The following PCDHA4 variants were observed in gnomAD, a reference collection of about 807,000 sequenced individuals.
PCDHA4 encodes the protein protocadherin alpha-4.
Under a neutral mutation model 61.4 loss-of-function variants are expected in PCDHA4, and 49 were observed. The ratio of observed to expected loss-of-function variants is 0.80; its 90% CI spans 0.63 to 1.01. The LOEUF (loss-of-function observed/expected upper bound fraction) is 1.01. Among genes scored for constraint, PCDHA4 ranks in the 50% least tolerant of loss-of-function variants. The probability of loss-of-function intolerance (pLI) is 0.00; values close to 1 mark genes in which losing one functional copy is unlikely to be tolerated. For synonymous variants in PCDHA4, 590 were observed against 550.3 expected (o/e 1.07, Z -1.01); for missense variants, 1,254 against 1,235.8 (o/e 1.01, Z -0.22).
chr5:140,809,691 T>C (rs1453613485), intron 1 of PCDHA4, 119 bp downstream of exon 1: 26 of 1,253,618 alleles, frequency 2.1e-5, no homozygotes, highest in Non-Finnish European at 2.6e-5. Flanking sequence ...TTTTTACATA[T>C]CCATTTTAAC....
intron 3 of PCDHA4, among the ~76,000 whole-genome samples, chr5:140,987,599 C>T (rs1475170913): frequency 1.3e-5 from 2 of 152,086 alleles, no homozygotes; most frequent in Non-Finnish European, 2.9e-5. Context: ...GTGGTGTCTA[C>T]CTTATAGGGT....
intron 3 of PCDHA4, among the ~76,000 whole-genome samples, chr5:140,986,404 G>GT (rs2097199196): frequency 6.6e-6 from 1 of 152,190 alleles, no homozygotes; most frequent in Non-Finnish European, 1.5e-5. Context: ...AGTCGCTCAT[G>GT]TTACAGCTCT....
intron 1 of PCDHA4, among the ~76,000 whole-genome samples, chr5:140,975,572 C>T (rs1356117545): frequency 6.6e-6 from 1 of 152,202 alleles, no homozygotes; most frequent in African/African-American, 2.4e-5. Context: ...ATATTATATG[C>T]AGTCTCATGT....
At chr5:140,993,151 TC>T (rs2097543126) in intron 3 of PCDHA4, among the ~76,000 whole-genome samples, 1 of 152,246 alleles carries the variant, frequency 6.6e-6, no homozygotes, top group Admixed American at 6.5e-5. Flanking sequence ...ATAAATGGAT[TC>T]TAAATATTTG....
intron 1 of PCDHA4, chr5:140,812,592 T>G (rs2126640143): frequency 6.6e-6 from 1 of 152,258 alleles, no homozygotes; most frequent in African/African-American, 2.4e-5. Context: ...CTTTCTTCAT[T>G]TTTAGTGTAG....
Position 140,848,921 on chromosome 5 carries a change from C to T in PCDHA4, c.2385+39349C>T. ...CAGCGACACAAAAGAATCTGTTCAT[C>T]GCGGAATCCAGGCCGCTTGACTCTC... On this transcript the variant is annotated intron_variant, in intron 1 of 3. Transcript: ENST00000530339. 3.7e-6 allele frequency: 6 copies of T among 1,607,754 alleles called. 1 individual carries two copies. Among genetic ancestry groups the T allele is most frequent in the Non-Finnish European group, 2.5e-6 (3 of 1,176,916 alleles).
At chr5:140,888,128 T>C (rs1365856723) in intron 1 of PCDHA4, among the ~76,000 whole-genome samples, 1 of 152,248 alleles carries the variant, frequency 6.6e-6, no homozygotes, top group Non-Finnish European at 1.5e-5. Flanking sequence ...TCTATGGATA[T>C]ATTTTCTTGC....
intron 1 of PCDHA4, chr5:140,968,073 A>G: frequency 6.2e-7 from 1 of 1,614,142 alleles, no homozygotes; most frequent in African/African-American, 1.3e-5. Flanking sequence ...GCTGTCTACA[A>G]CATCACGGTG....
At chr5:140,849,200 C>G (rs2150432715) in intron 1 of PCDHA4, 2 of 1,040,964 alleles carry the variant, frequency 1.9e-6, no homozygotes, top group Non-Finnish European at 2.7e-6. Flanking sequence ...TACTGGACAA[C>G]AATGACAATG....
At chr5:140,809,733 C>G (rs1252823667) in intron 1 of PCDHA4, 161 bp downstream of exon 1, 2 of 748,006 alleles carry the variant, frequency 2.7e-6, no homozygotes, top group African/African-American at 3.5e-5. Context: ...GACATCAGAG[C>G]AATATATATT....
intron 1 of PCDHA4, chr5:140,836,577 T>G (rs1283554877): frequency 1.2e-6 from 2 of 1,613,536 alleles, no homozygotes; most frequent in Non-Finnish European, 1.7e-6. Flanking sequence ...TGAGGGCGCA[T>G]GTAGTTTGGT....
chr5:140,904,225 T>A (rs782022279), intron 1 of PCDHA4, among the ~76,000 whole-genome samples: 5 of 152,020 alleles, frequency 3.3e-5, no homozygotes, highest in Non-Finnish European at 5.9e-5. Context: ...CATTGTATTA[T>A]ACTTATGCCT....
intron 1 of PCDHA4, chr5:140,883,869 A>G: frequency 6.2e-7 from 1 of 1,613,112 alleles, no homozygotes; most frequent in South Asian, 1.1e-5. Context: ...TTGCAGTTCC[A>G]GGTGAGCGCG....
chr5:140,992,576 G>T (rs992150186), intron 3 of PCDHA4, among the ~76,000 whole-genome samples: 4 of 152,172 alleles, frequency 2.6e-5, no homozygotes, highest in Admixed American at 2.0e-4. Flanking sequence ...CATATTGCCT[G>T]CCTTGTATGC....
intron 1 of PCDHA4, chr5:140,928,020 T>G: frequency 1.2e-6 from 2 of 1,614,182 alleles, no homozygotes; most frequent in Middle Eastern, 1.6e-4. Context: ...GTAGGGTCAT[T>G]TGTGGCATGT....
intron 1 of PCDHA4, chr5:140,828,303 G>A: frequency 1.2e-6 from 2 of 1,614,088 alleles, no homozygotes; most frequent in Non-Finnish European, 8.5e-7. Context: ...TCCAAAGACC[G>A]CGAGGACCTT....
chr5:140,992,485 A>T (rs1234957114), intron 3 of PCDHA4, among the ~76,000 whole-genome samples: 1 of 152,208 alleles, frequency 6.6e-6, no homozygotes, highest in Non-Finnish European at 1.5e-5. Flanking sequence ...CCCAGAGGCC[A>T]ATCTGTAAGG....
chr5:140,881,456 T>C, intron 1 of PCDHA4: 1 of 690,256 alleles, frequency 1.4e-6, no homozygotes, highest in Non-Finnish European at 1.8e-6. Context: ...TCCAAAACCT[T>C]AGAGCATTGT....
chr5:140,852,172 A>T (rs2042256675), intron 1 of PCDHA4: 1 of 802,380 alleles, frequency 1.2e-6, no homozygotes, highest in South Asian at 5.6e-5. Context: ...GAGCCACAAA[A>T]ATAACTATGA....
Sources: gnomAD v4.1 joint callset for allele counts (sites outside exome capture counted in the v4.1 genomes callset) on GRCh38, gnomAD v4.1.1 for gene constraint, MANE v1.5 for transcripts, NCBI Gene and HGNC (gene_info 2026-07-23, HGNC 2026-07-21) for gene names.